Variants in NSMCE2 observed in about 807,000 individuals in gnomAD.
NSMCE2 encodes the protein NSE2 SUMO ligase component of SMC5/6 complex.
NSMCE2 carries 24 observed loss-of-function variants against 23.8 expected under a neutral mutation model. That is an observed-to-expected ratio of 1.01 (90% CI 0.73 to 1.42). NSMCE2 has a LOEUF of 1.42. Ranked by LOEUF, NSMCE2 falls within the 40% of genes most tolerant of loss-of-function variation. The pLI, the probability that NSMCE2 is intolerant of heterozygous loss-of-function variation, is 0.00. For synonymous variants in NSMCE2, 92 were observed against 94.1 expected (o/e 0.98, Z 0.13); for missense variants, 284 against 296.5 (o/e 0.96, Z 0.31).
intron 4 of NSMCE2, among the ~76,000 whole-genome samples, chr8:125,178,448 C>A (rs1822600025): frequency 6.6e-6 from 1 of 152,182 alleles, no homozygotes; most frequent in Non-Finnish European, 1.5e-5. Flanking sequence ...TAACTTCTCT[C>A]ATTTTTAAAT....
intron 5 of NSMCE2, among the ~76,000 whole-genome samples, chr8:125,306,679 C>G (rs1367884114): frequency 6.6e-6 from 1 of 152,142 alleles, no homozygotes; most frequent in Non-Finnish European, 1.5e-5. Flanking sequence ...GTGAATAACC[C>G]AGTCTCAATT....
chr8:125,340,145 G>A (rs906598877), intron 5 of NSMCE2, among the ~76,000 whole-genome samples: 1 of 150,442 alleles, frequency 6.6e-6, no homozygotes, highest in Non-Finnish European at 1.5e-5. Flanking sequence ...CTCCCGAGTA[G>A]CTGGGACTAC....
chr8:125,159,505 C>T (rs779884404), intron 4 of NSMCE2, among the ~76,000 whole-genome samples: 33 of 152,212 alleles, frequency 2.2e-4, no homozygotes, highest in African/African-American at 7.7e-4. Context: ...ACTATAGAGC[C>T]CAGGAGTGTA....
chr8:125,204,338 C>T (rs1157718489), intron 5 of NSMCE2, among the ~76,000 whole-genome samples: 4 of 152,156 alleles, frequency 2.6e-5, no homozygotes, highest in African/African-American at 9.7e-5. Flanking sequence ...ACCTTCCTTG[C>T]CCAGTTTGAC....
chr8:125,093,636 TC>T (rs770075974), intron 1 of NSMCE2, among the ~76,000 whole-genome samples: 1 of 151,952 alleles, frequency 6.6e-6, no homozygotes, highest in Non-Finnish European at 1.5e-5. Context: ...GGCAGGAGAA[TC>T]CCTTGAACCC....
At chr8:125,228,926 A>G (rs1257684313) in intron 5 of NSMCE2, among the ~76,000 whole-genome samples, 1 of 152,202 alleles carries the variant, frequency 6.6e-6, no homozygotes, top group Non-Finnish European at 1.5e-5. Flanking sequence ...CAAAGCTTAT[A>G]AGAGACAGAA....
At chr8:125,224,352 G>A (rs1349616689) in intron 5 of NSMCE2, among the ~76,000 whole-genome samples, 1 of 152,068 alleles carries the variant, frequency 6.6e-6, no homozygotes, top group African/African-American at 2.4e-5. Flanking sequence ...CTGTGCTGTT[G>A]GGGTCATATT....
intron 4 of NSMCE2, among the ~76,000 whole-genome samples, chr8:125,163,031 G>A (rs1323932815): frequency 6.6e-6 from 1 of 152,092 alleles, no homozygotes; most frequent in African/African-American, 2.4e-5. Context: ...ACTTAAAGTT[G>A]AATATCTGTA....
rs1822173953 is a variant in NSMCE2, at chr8:125,170,959, TA to T, written c.265-11140del. 2.0e-5 allele frequency among the ~76,000 whole-genome samples: 3 copies of T among 152,308 alleles called. No homozygotes were observed. The South Asian group carries it at 6.2e-4, about 32-fold the overall frequency. ...AAACCTTCACACATCTCTCTCAGAA[TA>T]AAAGCTAAAGCCCTCCGTCATCTGT... On this transcript the variant is annotated intron_variant, in intron 4 of 7. Coordinates refer to ENST00000287437, the MANE Select transcript of NSMCE2 (RefSeq NM_173685.4).
In NSMCE2 at chr8:125,126,470, CAGGGA is replaced by C. The variant is rs371753899; in HGVS notation, c.157+23985_157+23989del. On this transcript the variant is annotated intron_variant, in intron 3 of 7. Coordinates refer to ENST00000287437, the MANE Select transcript of NSMCE2 (RefSeq NM_173685.4). Reference sequence around the variant, plus strand: ...ATAGTGTCCCAGCACCTGGCAGGTTCAGGGAACTGCATGTTAACTTCAGGTTGGGC... The same window carrying C: ...ATAGTGTCCCAGCACCTGGCAGGTTCACTGCATGTTAACTTCAGGTTGGGC... Among the ~76,000 whole-genome samples, 298 of 152,114 alleles carry C rather than the reference CAGGGA, an allele frequency of 2.0e-3. 1 individual carries two copies. The highest frequency in any genetic ancestry group is 7.0e-3 in the African/African-American group (290 of 41,504).
At chr8:125,286,645 T>A (rs1827917886) in intron 5 of NSMCE2, among the ~76,000 whole-genome samples, 3 of 152,086 alleles carry the variant, frequency 2.0e-5, no homozygotes, top group Non-Finnish European at 2.9e-5. Context: ...ATCATACACA[T>A]ACATATATTT....
chr8:125,118,435 T>C (rs534767908), intron 3 of NSMCE2, among the ~76,000 whole-genome samples: 49 of 152,204 alleles, frequency 3.2e-4, no homozygotes, highest in Admixed American at 3.3e-4. Context: ...CCACTAGAGT[T>C]TCAGTAGGTC....
At chr8:125,260,404 G>A (rs10283134) in intron 5 of NSMCE2, among the ~76,000 whole-genome samples, 51,705 of 151,476 alleles carry the variant, frequency 0.34, 12,835 homozygotes, top group African/African-American at 0.7. Context: ...AGTGTAGGGC[G>A]GTTCATTTTG....
At chr8:125,245,787 A>G (rs1825938307) in intron 5 of NSMCE2, among the ~76,000 whole-genome samples, 2 of 152,196 alleles carry the variant, frequency 1.3e-5, no homozygotes. Flanking sequence ...TAATCCCAGC[A>G]CTTTGGGAGG....
chr8:125,295,904 G>A (rs962863394), intron 5 of NSMCE2, among the ~76,000 whole-genome samples: 6 of 152,102 alleles, frequency 3.9e-5, no homozygotes, highest in Non-Finnish European at 8.8e-5. Context: ...AATAATAACC[G>A]TTGCCCCTAC....
chr8:125,135,575 C>T (rs984658656), intron 3 of NSMCE2, among the ~76,000 whole-genome samples: 7 of 151,892 alleles, frequency 4.6e-5, no homozygotes, highest in Admixed American at 2.0e-4. Context: ...GAATAAGGTA[C>T]GAGGTATAGA....
At chr8:125,243,203 A>G (rs1338224646) in intron 5 of NSMCE2, among the ~76,000 whole-genome samples, 1 of 152,334 alleles carries the variant, frequency 6.6e-6, no homozygotes, top group East Asian at 1.9e-4. Flanking sequence ...ATTCAATAAT[A>G]GTGGACGTAT....
intron 4 of NSMCE2, among the ~76,000 whole-genome samples, chr8:125,163,047 C>T (rs1254138795): frequency 6.6e-6 from 1 of 152,010 alleles, no homozygotes; most frequent in Non-Finnish European, 1.5e-5. Context: ...CTGTATATAG[C>T]AATGAAGAAA....
rs536234832 is a variant in NSMCE2, at chr8:125,299,410, G to A, written c.419-57809G>A. Reference sequence around the variant, plus strand: ...ACTTAAAATCATAGCAGAAGGTAAAGAGCAAGCAAGGAATGTCTTACATGG... The same window carrying A: ...ACTTAAAATCATAGCAGAAGGTAAAAAGCAAGCAAGGAATGTCTTACATGG... On this transcript the variant is annotated intron_variant, in intron 5 of 7. Transcript: ENST00000287437. Among the ~76,000 whole-genome samples the A allele has an allele frequency of 2.6e-5, 4 of 152,314 alleles. No individual in the cohort carries two copies. In the East Asian group the frequency reaches 7.7e-4, roughly 29 times the overall value.
Sources: allele counts gnomAD v4.1 joint callset (sites outside exome capture counted in the v4.1 genomes callset), GRCh38; gene constraint gnomAD v4.1.1; transcripts MANE v1.5; gene names NCBI Gene and HGNC (gene_info 2026-07-23, HGNC 2026-07-21).